The following KIF16B variants were observed in gnomAD, a reference collection of about 807,000 sequenced individuals.
KIF16B encodes kinesin-like protein KIF16B.
Under a neutral mutation model 156.3 loss-of-function variants are expected in KIF16B, and 98 were observed. The observed-to-expected ratio is 0.63, with a 90% CI of 0.53 to 0.74. The LOEUF (loss-of-function observed/expected upper bound fraction) is 0.74. KIF16B is among the 30% of genes least tolerant of loss of function. The pLI, the probability that KIF16B is intolerant of heterozygous loss-of-function variation, is 0.00. For synonymous variants in KIF16B, 564 were observed against 583.7 expected (o/e 0.97, Z 0.49); for missense variants, 1,421 against 1,606.5 (o/e 0.88, Z 1.97).
At chr20:16,301,609 C>T (rs925485207) in intron 25 of KIF16B, among the ~76,000 whole-genome samples, 4 of 152,006 alleles carry the variant, frequency 2.6e-5, no homozygotes, top group African/African-American at 9.7e-5. Context: ...TGCTTATTTG[C>T]CTTCTGTATA....
At chr20:16,350,426 C>G (rs906123629) in intron 23 of KIF16B, among the ~76,000 whole-genome samples, 3 of 152,038 alleles carry the variant, frequency 2.0e-5, no homozygotes, top group Non-Finnish European at 2.9e-5. Context: ...AGGTCTACCT[C>G]TCTGTTAAGG....
At chr20:16,569,926 G>C (rs562088195) in intron 1 of KIF16B, among the ~76,000 whole-genome samples, 6 of 152,236 alleles carry the variant, frequency 3.9e-5, no homozygotes, top group African/African-American at 1.4e-4. Flanking sequence ...CTCTTTAGAG[G>C]TATCAGTGTT....
rs184127242 is a variant in KIF16B at position 16,278,034 on chromosome 20, T to C, written c.3796-4623A>G. Among the ~76,000 whole-genome samples the C allele has an allele frequency of 8.4e-4, 128 of 151,998 alleles. 1 individual carries two copies. Among genetic ancestry groups the C allele is most frequent in the Non-Finnish European group, 1.3e-3 (91 of 67,964 alleles). On this transcript the variant is annotated intron_variant, in intron 25 of 25. Coordinates refer to ENST00000354981, the MANE Select transcript of KIF16B (RefSeq NM_024704.5). Reference sequence around the variant, plus strand: ...CACAACATTATGGCCCTGACTTGGATAGTTGGAGGAGGAAAGTCAGATTAA... The same window carrying C: ...CACAACATTATGGCCCTGACTTGGACAGTTGGAGGAGGAAAGTCAGATTAA...
intron 1 of KIF16B, among the ~76,000 whole-genome samples, chr20:16,553,845 C>T (rs2070751927): frequency 7.2e-6 from 1 of 138,478 alleles, no homozygotes; most frequent in African/African-American, 3.5e-5. Flanking sequence ...CAGGAGCAGA[C>T]AGGAGCAGAC....
intron 24 of KIF16B, among the ~76,000 whole-genome samples, chr20:16,327,784 T>C (rs1365118217): frequency 6.6e-6 from 1 of 152,154 alleles, no homozygotes; most frequent in Non-Finnish European, 1.5e-5. Flanking sequence ...GTCAGGAAGC[T>C]GGCTGTATTC....
intron 23 of KIF16B, among the ~76,000 whole-genome samples, chr20:16,348,290 G>A (rs1394288254): frequency 6.6e-6 from 1 of 152,230 alleles, no homozygotes; most frequent in East Asian, 1.9e-4. Flanking sequence ...ATTAAAATGA[G>A]TAAGTAAGGG....
intron 23 of KIF16B, among the ~76,000 whole-genome samples, chr20:16,348,196 G>C (rs1265637124): frequency 6.6e-6 from 1 of 152,144 alleles, no homozygotes; most frequent in Non-Finnish European, 1.5e-5. Flanking sequence ...GCAAGGATTT[G>C]AAAACGACCA....
chr20:16,416,546 A>G (rs1199162610), intron 15 of KIF16B, among the ~76,000 whole-genome samples: 2 of 145,672 alleles, frequency 1.4e-5, no homozygotes, highest in Admixed American at 1.4e-4. Flanking sequence ...GGACACAGGG[A>G]GGGGAACACC....
At chr20:16,405,159 C>T (rs1043295935) in intron 16 of KIF16B, among the ~76,000 whole-genome samples, 5 of 152,148 alleles carry the variant, frequency 3.3e-5, no homozygotes, top group Non-Finnish European at 7.3e-5. Flanking sequence ...AATTCCACAA[C>T]CCAGTTGGTC....
chr20:16,489,664 T>A (rs920288514), intron 12 of KIF16B, among the ~76,000 whole-genome samples: 4 of 150,236 alleles, frequency 2.7e-5, no homozygotes, highest in African/African-American at 9.9e-5. Flanking sequence ...ACCACTGCAC[T>A]CCAGCCTGGG....
intron 25 of KIF16B, among the ~76,000 whole-genome samples, chr20:16,309,353 G>A (rs1170869964): frequency 6.6e-6 from 1 of 152,110 alleles, no homozygotes; most frequent in Non-Finnish European, 1.5e-5. Flanking sequence ...ATGTGGTGCA[G>A]TATGTTAAAT....
intron 12 of KIF16B, among the ~76,000 whole-genome samples, chr20:16,486,101 C>T (rs951087354): frequency 3.9e-5 from 6 of 152,086 alleles, no homozygotes; most frequent in African/African-American, 1.4e-4. Context: ...GAGGACGAGA[C>T]TAGATGAGAC....
intron 12 of KIF16B, among the ~76,000 whole-genome samples, chr20:16,432,728 T>A (rs2066534523): frequency 6.6e-6 from 1 of 151,130 alleles, no homozygotes; most frequent in South Asian, 2.1e-4. Context: ...GGCGGTGAAA[T>A]GAAGTAACAA....
At chr20:16,363,451 C>A (rs2064591542) in intron 22 of KIF16B, among the ~76,000 whole-genome samples, 1 of 152,158 alleles carries the variant, frequency 6.6e-6, no homozygotes, top group South Asian at 2.1e-4. Flanking sequence ...GCTTTGGGAA[C>A]CTTGACATAA....
chr20:16,344,643 G>T (rs1160207279), intron 23 of KIF16B, among the ~76,000 whole-genome samples: 1 of 152,130 alleles, frequency 6.6e-6, no homozygotes, highest in Non-Finnish European at 1.5e-5. Context: ...CTGCTCTCCT[G>T]GGTGCTGTCC....
chr20:16,462,991 C>T (rs188320742), intron 12 of KIF16B, among the ~76,000 whole-genome samples: 7 of 152,300 alleles, frequency 4.6e-5, no homozygotes, highest in Middle Eastern at 3.4e-3. Flanking sequence ...TTTCTTCCCA[C>T]GCTATGCAAA....
chr20:16,427,047 C>T (rs2066372795), intron 15 of KIF16B, 57 bp downstream of exon 15: 1 of 1,459,864 alleles, frequency 6.8e-7, no homozygotes, highest in Non-Finnish European at 9.2e-7. Flanking sequence ...CATTGCCTAG[C>T]CAACTTGTTT....
At chr20:16,570,350 T>C (rs1461709064) in intron 1 of KIF16B, among the ~76,000 whole-genome samples, 2 of 152,190 alleles carry the variant, frequency 1.3e-5, no homozygotes, top group Admixed American at 6.5e-5. Flanking sequence ...ATTTTCTGCT[T>C]AAGTATACAG....
intron 15 of KIF16B, among the ~76,000 whole-genome samples, chr20:16,413,136 T>C (rs906208744): frequency 1.3e-5 from 2 of 152,132 alleles, no homozygotes; most frequent in African/African-American, 4.8e-5. Context: ...AGATGGACTT[T>C]ATGTGATGCA....
Sources: allele counts gnomAD v4.1 joint callset (sites outside exome capture counted in the v4.1 genomes callset), GRCh38; gene constraint gnomAD v4.1.1; transcripts MANE v1.5; gene names NCBI Gene and HGNC (gene_info 2026-07-23, HGNC 2026-07-21).